Variants in ARPP21 observed in about 807,000 individuals in gnomAD.
ARPP21 encodes the protein cAMP regulated phosphoprotein 21.
Under a neutral mutation model 113.2 loss-of-function variants are expected in ARPP21, and 69 were observed. The observed-to-expected ratio is 0.61, with a 90% CI of 0.50 to 0.74. The LOEUF is 0.74. Ranked by LOEUF, ARPP21 falls within the 30% of genes least tolerant of loss-of-function variation. ARPP21 has a pLI of 0.00. For missense variants in ARPP21, 1,070 were observed against 1,037.4 expected, an observed-to-expected ratio of 1.03 and a Z score of -0.43; for synonymous variants, 368 against 375.5, an observed-to-expected ratio of 0.98 and a Z score of 0.23.
rs2081069010 is a variant in ARPP21, at chr3:35,687,829, G to A, written c.352G>A (p.Asp118Asn). 6.2e-7 allele frequency: 1 copy of A among 1,601,268 alleles called. No individual in the cohort carries two copies. Among genetic ancestry groups the A allele is most frequent in the Non-Finnish European group, 8.5e-7 (1 of 1,174,462 alleles). The change falls in exon 6 of 21, where the codon GAT (aspartate) becomes AAT (asparagine). Residue 118 changes from aspartate to asparagine, a missense_variant. Coordinates refer to ENST00000684406, the MANE Select transcript of ARPP21 (RefSeq NM_001385562.1). ...KDDSEREKEK[D>N]KNKDKTSEKP... is the part of the protein sequence containing the mutation. ...TGACTCTGAAAGAGAAAAAGAAAAGGATAAAAACAAAGATAAAACCTCTGA... is the reference window on the plus strand; with the variant it reads ...TGACTCTGAAAGAGAAAAAGAAAAGAATAAAAACAAAGATAAAACCTCTGA...
At chr3:35,786,043 GA>G (rs1288351332) in intron 19 of ARPP21, among the ~76,000 whole-genome samples, 2 of 152,208 alleles carry the variant, frequency 1.3e-5, no homozygotes, top group East Asian at 3.9e-4. Context: ...CAGCAAAAAA[GA>G]AAGTTAAAGG....
At chr3:35,720,827 T>A (rs929570386) in intron 13 of ARPP21, among the ~76,000 whole-genome samples, 24 of 152,246 alleles carry the variant, frequency 1.6e-4, no homozygotes, top group Non-Finnish European at 2.5e-4. Context: ...TTACTCTTTT[T>A]TCTATTTGAA....
At position 35,691,537 on chromosome 3, in the gene ARPP21, A is replaced by C. The variant is rs202087803; in HGVS notation, c.686+532A>C. ...CAAGTCATTTAAAATCTGCCATCTC[A>C]GTTTTTTCACCTGTAAAATGAGAGT... On this transcript the variant is annotated intron_variant, in intron 9 of 20. Transcript: ENST00000684406. 3.3e-5 allele frequency among the ~76,000 whole-genome samples: 5 copies of C among 151,580 alleles called. No individual in the cohort carries two copies. In the East Asian group the frequency reaches 9.8e-4, roughly 30 times the overall value.
intron 19 of ARPP21, among the ~76,000 whole-genome samples, chr3:35,779,624 GC>G: frequency 6.6e-6 from 1 of 151,506 alleles, no homozygotes; most frequent in Non-Finnish European, 1.5e-5. Context: ...GGTTAGAAAA[GC>G]AAGTAATACC....
At chr3:35,664,608 G>A (rs772581929) in intron 1 of ARPP21, among the ~76,000 whole-genome samples, 1 of 152,200 alleles carries the variant, frequency 6.6e-6, no homozygotes, top group Non-Finnish European at 1.5e-5. Flanking sequence ...GTTCCTAGGA[G>A]TGAATCAGCA....
intron 19 of ARPP21, among the ~76,000 whole-genome samples, chr3:35,754,628 G>T (rs969642089): frequency 1.3e-5 from 2 of 151,930 alleles, no homozygotes; most frequent in Non-Finnish European, 2.9e-5. Context: ...ATTATTAAGA[G>T]AAATAATAAG....
Position 35,750,113 on chromosome 3 carries a change from C to T in ARPP21, c.2137+6148C>T, listed in dbSNP as rs1171017572. ...CCTTCTGTTAATTTTAGGTTTATTT[C>T]GCTTTTTTTTTTTTTTTTGGTGGTT... On this transcript the variant is annotated intron_variant, in intron 19 of 20. Coordinates refer to ENST00000684406, the MANE Select transcript of ARPP21 (RefSeq NM_001385562.1). Among the ~76,000 whole-genome samples, 69 of 118,288 alleles carry T rather than the reference C, an allele frequency of 5.8e-4. 1 individual carries two copies. The highest frequency in any genetic ancestry group is 9.0e-3 in the Middle Eastern group (2 of 222). 77.6% of individuals were successfully genotyped at this position (118,288 alleles called of 152,430 possible).
At chr3:35,705,444 G>C (rs575331517) in intron 9 of ARPP21, among the ~76,000 whole-genome samples, 1 of 152,076 alleles carries the variant, frequency 6.6e-6, no homozygotes, top group African/African-American at 2.4e-5. Context: ...TGTCATATTC[G>C]CACTTTCAGG....
chr3:35,713,496 A>G (rs951918638), intron 11 of ARPP21, among the ~76,000 whole-genome samples: 2 of 152,048 alleles, frequency 1.3e-5, no homozygotes, highest in Admixed American at 1.3e-4. Flanking sequence ...CCTGGGCTCA[A>G]GTGATTCTCC....
chr3:35,794,339 T>A lies in ARPP21; in HGVS notation c.*381T>A, dbSNP rs915823488. The A allele has an allele frequency of 9.7e-6, 2 of 205,648 alleles. No homozygotes were observed. Among genetic ancestry groups the A allele is most frequent in the Admixed American group, 5.2e-5 (1 of 19,248 alleles). The allele number at this position is 205,648 out of a possible 1,614,324, so 12.7% of individuals were successfully genotyped here. A position where few individuals can be genotyped will look rare whatever the true frequency, so the allele number is the denominator to read the frequency against. On this transcript the variant is annotated 3_prime_UTR_variant, in exon 21 of 21. Transcript: ENST00000684406. ...AAATCACATTGTACCAAAGCTGTAA[T>A]GGAAAAGCAAAGAAGAATTGATGAA... is the stretch of plus-strand genomic sequence containing the variant.
At chr3:35,706,912 A>G (rs2089316897) in intron 9 of ARPP21, 62 bp from the exon 10 acceptor site, 1 of 1,301,744 alleles carries the variant, frequency 7.7e-7, no homozygotes, top group Admixed American at 2.0e-5. Context: ...GAACAACACT[A>G]AAAAATAACT....
Position 35,736,992 on chromosome 3 carries a change from T to G in ARPP21, c.1460-186T>G, listed in dbSNP as rs370165321. 9.2e-5 allele frequency among the ~76,000 whole-genome samples: 14 copies of G among 152,346 alleles called. No homozygotes were observed. In the South Asian group the frequency reaches 2.9e-3, roughly 32 times the overall value. On this transcript the variant is annotated intron_variant, in intron 15 of 20. Coordinates refer to ENST00000684406, the MANE Select transcript of ARPP21 (RefSeq NM_001385562.1). ...CTTAAATTGCTATGGGCTCCCACTG[T>G]CACCTAGCTTAAGCGATGGGTCACA...
intron 9 of ARPP21, among the ~76,000 whole-genome samples, chr3:35,699,687 G>T (rs1056567798): frequency 6.6e-6 from 1 of 151,434 alleles, no homozygotes; most frequent in Non-Finnish European, 1.5e-5. Context: ...TTATTTACAC[G>T]TACCAAAAAT....
chr3:35,678,440 A>G (rs1252512366), intron 1 of ARPP21, among the ~76,000 whole-genome samples: 1 of 151,996 alleles, frequency 6.6e-6, no homozygotes, highest in Non-Finnish European at 1.5e-5. Context: ...TTTAATATTG[A>G]GTATTATAGT....
At chr3:35,777,587 C>T (rs79355796) in intron 19 of ARPP21, among the ~76,000 whole-genome samples, 7,144 of 152,228 alleles carry the variant, frequency 0.047, 529 homozygotes, top group African/African-American at 0.16. Flanking sequence ...ATGTACTAAA[C>T]TTGAGACTAA....
intron 1 of ARPP21, among the ~76,000 whole-genome samples, chr3:35,657,549 C>T (rs982711594): frequency 6.6e-6 from 1 of 152,068 alleles, no homozygotes; most frequent in Admixed American, 6.6e-5. Context: ...TATTAATGTG[C>T]TTAATCCTCT....
intron 19 of ARPP21, among the ~76,000 whole-genome samples, chr3:35,779,703 T>C (rs1373920405): frequency 6.6e-6 from 1 of 152,148 alleles, no homozygotes; most frequent in Non-Finnish European, 1.5e-5. Context: ...TGTTAAAGCA[T>C]ATTCATAAAG....
At chr3:35,692,570 C>G (rs368318576) in intron 9 of ARPP21, among the ~76,000 whole-genome samples, 1 of 151,610 alleles carries the variant, frequency 6.6e-6, no homozygotes, top group East Asian at 1.9e-4. Context: ...ACAGTTTCAA[C>G]TGGTGGACAG....
intron 18 of ARPP21, among the ~76,000 whole-genome samples, chr3:35,741,384 C>T (rs2094647469): frequency 6.6e-6 from 1 of 152,146 alleles, no homozygotes; most frequent in South Asian, 2.1e-4. Context: ...CCCATAGTAA[C>T]TTTCAATTTA....
Sources: allele counts gnomAD v4.1 joint callset (sites outside exome capture counted in the v4.1 genomes callset), GRCh38; gene constraint gnomAD v4.1.1; transcripts MANE v1.5; gene names NCBI Gene and HGNC (gene_info 2026-07-23, HGNC 2026-07-21).